GRM7: variants seen among roughly 807,000 people sequenced by gnomAD.
The protein encoded by GRM7 is metabotropic glutamate receptor 7.
GRM7 carries 35 observed loss-of-function variants against 84.5 expected under a neutral mutation model. The observed-to-expected ratio is 0.41, with a 90% CI of 0.32 to 0.55. The LOEUF is 0.55. GRM7 is among the 20% of genes least tolerant of loss of function. GRM7 has a pLI of 0.19. For synonymous variants in GRM7, 487 were observed against 455.1 expected (o/e 1.07, Z -0.89); for missense variants, 1,003 against 1,194.6 (o/e 0.84, Z 2.36).
intron 5 of GRM7, 96 bp from the exon 6 acceptor site, chr3:7,452,511 T>A: frequency 1.2e-6 from 1 of 844,742 alleles, no homozygotes. Flanking sequence ...TCTTTAAGCA[T>A]AATTGAAAGT....
At chr3:7,312,101 C>T (rs891644123) in intron 4 of GRM7, among the ~76,000 whole-genome samples, 2 of 152,152 alleles carry the variant, frequency 1.3e-5, no homozygotes, top group Non-Finnish European at 2.9e-5. Context: ...AATCTGAGTC[C>T]TGTCTCCCTC....
In GRM7 at chr3:7,244,805, G is replaced by A. The variant is rs570272141; in HGVS notation, c.737-53879G>A. On this transcript the variant is annotated intron_variant, in intron 2 of 9. Coordinates refer to ENST00000357716, the MANE Select transcript of GRM7 (RefSeq NM_000844.4). ...CCATCATAAGAAGTGAGAAACATTC[G>A]ACTCAAAAACAAATGAAGGAACAGT... Among the ~76,000 whole-genome samples, 115 of 151,984 alleles carry A rather than the reference G, an allele frequency of 7.6e-4. 1 individual carries two copies. In the Middle Eastern group the frequency reaches 0.037, roughly 49 times the overall value.
chr3:7,233,623 G>T (rs892689556), intron 2 of GRM7, among the ~76,000 whole-genome samples: 1 of 152,146 alleles, frequency 6.6e-6, no homozygotes. Flanking sequence ...GAGTAACATA[G>T]AAATAGTCAT....
chr3:7,030,450 T>C (rs1429125128), intron 1 of GRM7, among the ~76,000 whole-genome samples: 1 of 152,194 alleles, frequency 6.6e-6, no homozygotes. Flanking sequence ...ACTCACTGAA[T>C]TGAATAGTTT....
chr3:7,406,138 T>C (rs1168699916), intron 4 of GRM7, among the ~76,000 whole-genome samples: 1 of 152,108 alleles, frequency 6.6e-6, no homozygotes, highest in Non-Finnish European at 1.5e-5. Flanking sequence ...TTTGGGGACA[T>C]TTGCAGTGGT....
At chr3:7,294,559 C>T (rs975672671) in intron 2 of GRM7, among the ~76,000 whole-genome samples, 3 of 83,842 alleles carry the variant, frequency 3.6e-5, no homozygotes, top group Admixed American at 1.0e-4. Flanking sequence ...TTCCTAAGAG[C>T]TCCCTAAAAA....
chr3:7,516,784 G>C (rs1412436129), intron 7 of GRM7, among the ~76,000 whole-genome samples: 1 of 152,192 alleles, frequency 6.6e-6, no homozygotes, highest in Non-Finnish European at 1.5e-5. Flanking sequence ...TCTGCAACCT[G>C]ACTCTGCTTC....
At position 7,528,476 on chromosome 3, in the gene GRM7, C is replaced by T. The variant is rs112969875; in HGVS notation, c.1516-49946C>T. On this transcript the variant is annotated intron_variant, in intron 7 of 9. Coordinates refer to ENST00000357716, the MANE Select transcript of GRM7 (RefSeq NM_000844.4). ...TACACTTTCAAAGAACCAAATTTTC[C>T]TTCATTGATCCTATGTATGATTTTT... is the stretch of plus-strand genomic sequence containing the variant. Among the ~76,000 whole-genome samples, 576 of 152,004 alleles carry T rather than the reference C, an allele frequency of 3.8e-3. 7 individuals are homozygous for T. The highest frequency in any genetic ancestry group is 0.013 in the African/African-American group (553 of 41,526).
At chr3:7,555,382 A>G (rs866161705) in intron 7 of GRM7, among the ~76,000 whole-genome samples, 3 of 152,192 alleles carry the variant, frequency 2.0e-5, no homozygotes, top group Non-Finnish European at 2.9e-5. Context: ...AACTGGCTCT[A>G]TAGAATCTCT....
intron 5 of GRM7, among the ~76,000 whole-genome samples, chr3:7,423,190 A>G (rs1185902550): frequency 6.6e-6 from 1 of 152,186 alleles, no homozygotes; most frequent in Non-Finnish European, 1.5e-5. Context: ...TAAGTCACCC[A>G]TAGCAACTGT....
chr3:7,281,116 G>A (rs1426165465), intron 2 of GRM7, among the ~76,000 whole-genome samples: 2 of 152,170 alleles, frequency 1.3e-5, no homozygotes, highest in Non-Finnish European at 2.9e-5. Flanking sequence ...TAAGAAATAA[G>A]ATAATTGATG....
chr3:7,298,171 T>C (rs181341516), intron 2 of GRM7, among the ~76,000 whole-genome samples: 80 of 152,286 alleles, frequency 5.3e-4, no homozygotes, highest in African/African-American at 1.9e-3. Flanking sequence ...ATAGTTGATG[T>C]TCTTGGTTTT....
intron 7 of GRM7, among the ~76,000 whole-genome samples, chr3:7,470,148 A>G (rs1444304215): frequency 1.3e-5 from 2 of 152,074 alleles, no homozygotes; most frequent in African/African-American, 4.8e-5. Flanking sequence ...TCCCACTAGC[A>G]TTTTATTTCA....
At chr3:7,737,941 G>C (rs749597766) in intron 9 of GRM7, among the ~76,000 whole-genome samples, 6 of 151,114 alleles carry the variant, frequency 4.0e-5, no homozygotes, top group Non-Finnish European at 7.4e-5. Flanking sequence ...TCTGCCTCAC[G>C]GGTTCAAGTG....
intron 9 of GRM7, among the ~76,000 whole-genome samples, chr3:7,684,029 ACAT>A (rs1349768177): frequency 6.6e-6 from 1 of 152,234 alleles, no homozygotes; most frequent in Non-Finnish European, 1.5e-5. Flanking sequence ...GGAAAAAGTA[ACAT>A]CATAGACAGC....
chr3:7,709,177 A>G (rs1190686984), intron 9 of GRM7, among the ~76,000 whole-genome samples: 2 of 152,118 alleles, frequency 1.3e-5, no homozygotes, highest in African/African-American at 4.8e-5. Flanking sequence ...TCCATGATAA[A>G]TCCTTACTCA....
chr3:7,212,635 C>G (rs1490335896), intron 2 of GRM7, among the ~76,000 whole-genome samples: 1 of 152,104 alleles, frequency 6.6e-6, no homozygotes, highest in Non-Finnish European at 1.5e-5. Context: ...TAGCTTCCAG[C>G]TGAAAGAAAA....
At chr3:7,450,809 C>A (rs1306628013) in intron 5 of GRM7, among the ~76,000 whole-genome samples, 1 of 152,066 alleles carries the variant, frequency 6.6e-6, no homozygotes, top group East Asian at 1.9e-4. Context: ...AAATGAGATA[C>A]ATATAAAACA....
chr3:7,045,969 AT>A (rs1696792130), intron 1 of GRM7, among the ~76,000 whole-genome samples: 1 of 152,098 alleles, frequency 6.6e-6, no homozygotes, highest in Non-Finnish European at 1.5e-5. Flanking sequence ...ATTTTCTACC[AT>A]AACTGTACCA....
Sources: gnomAD v4.1 joint callset for allele counts (sites outside exome capture counted in the v4.1 genomes callset) on GRCh38, gnomAD v4.1.1 for gene constraint, MANE v1.5 for transcripts, NCBI Gene and HGNC (gene_info 2026-07-23, HGNC 2026-07-21) for gene names.